GLIS3: variants seen among roughly 807,000 people sequenced by gnomAD.
The protein encoded by GLIS3 is GLIS family zinc finger 3, also known as zinc finger protein GLIS3.
A neutral mutation model predicts 78.6 loss-of-function variants in GLIS3; 53 were observed. The observed-to-expected ratio is 0.67, with a 90% CI of 0.54 to 0.85. The LOEUF (loss-of-function observed/expected upper bound fraction) is 0.85, where lower values mean the gene tolerates loss of function less well. GLIS3 is among the 40% of genes least tolerant of loss of function. The pLI is 0.00. For synonymous variants in GLIS3, 684 were observed against 509.9 expected (o/e 1.34, Z -4.60); for missense variants, 1,703 against 1,231.1 (o/e 1.38, Z -5.74).
At chr9:4,026,655 C>A (rs1359433975) in intron 4 of GLIS3, among the ~76,000 whole-genome samples, 1 of 152,118 alleles carries the variant, frequency 6.6e-6, no homozygotes, top group South Asian at 2.1e-4. Flanking sequence ...AAATAATATA[C>A]TTCTAAACCT....
At chr9:3,840,978 G>A (rs1588064621) in intron 9 of GLIS3, among the ~76,000 whole-genome samples, 1 of 152,260 alleles carries the variant, frequency 6.6e-6, no homozygotes, top group East Asian at 1.9e-4. Context: ...GAAGGAGGAG[G>A]TTCTGCTACT....
chr9:4,381,322 G>A, the GLIS3 span, among the ~76,000 whole-genome samples: 1 of 152,288 alleles, frequency 6.6e-6, no homozygotes, highest in African/African-American at 2.4e-5. Context: ...ATTATTGCTT[G>A]CAGTATTTTC....
chr9:3,958,154 T>C (rs1817277759), intron 4 of GLIS3, among the ~76,000 whole-genome samples: 1 of 152,202 alleles, frequency 6.6e-6, no homozygotes, highest in South Asian at 2.1e-4. Flanking sequence ...ATGTCTGCCA[T>C]ACACAACTAC....
chr9:4,424,002 T>G, the GLIS3 span, among the ~76,000 whole-genome samples: 2 of 152,312 alleles, frequency 1.3e-5, no homozygotes, highest in East Asian at 3.9e-4. Flanking sequence ...CACACTTAAC[T>G]TGAATGAGGT....
At chr9:3,844,092 G>T (rs1337737790) in intron 9 of GLIS3, among the ~76,000 whole-genome samples, 2 of 152,152 alleles carry the variant, frequency 1.3e-5, no homozygotes, top group East Asian at 3.8e-4. Flanking sequence ...AGGGAATTGG[G>T]ATTGTTTTGT....
In GLIS3 at chr9:4,030,376, A is replaced by G. The variant is rs1385377322; in HGVS notation, c.1710+87392T>C. Reference sequence around the variant, plus strand: ...CTTGTCAAATGGGTAGTTTGAAAATATTTTCTCCCATTCTGTGAGTTGTCT... The same window carrying G: ...CTTGTCAAATGGGTAGTTTGAAAATGTTTTCTCCCATTCTGTGAGTTGTCT... On this transcript the variant is annotated intron_variant, in intron 4 of 10. Coordinates refer to ENST00000381971, the MANE Select transcript of GLIS3 (RefSeq NM_001042413.2). 3.3e-5 allele frequency among the ~76,000 whole-genome samples: 5 copies of G among 152,000 alleles called. No individual in the cohort carries two copies. The East Asian group carries it at 9.6e-4, about 29-fold the overall frequency.
At chr9:4,256,614 C>A (rs1824965627) in intron 2 of GLIS3, among the ~76,000 whole-genome samples, 1 of 152,030 alleles carries the variant, frequency 6.6e-6, no homozygotes, top group African/African-American at 2.4e-5. Context: ...TAATTCTACT[C>A]CTAGATCATC....
chr9:4,166,265 G>T (rs951604039), intron 2 of GLIS3, among the ~76,000 whole-genome samples: 2 of 152,118 alleles, frequency 1.3e-5, no homozygotes, highest in African/African-American at 4.8e-5. Flanking sequence ...GATCTATAGG[G>T]TTGATGGTGA....
chr9:4,350,549 A>G (rs946851940), upstream of GLIS3, among the ~76,000 whole-genome samples: 3 of 152,164 alleles, frequency 2.0e-5, no homozygotes, highest in African/African-American at 7.2e-5. Context: ...AAATATTTTT[A>G]TTTTAAAGTC....
the GLIS3 span, among the ~76,000 whole-genome samples, chr9:4,446,943 A>T: frequency 6.6e-6 from 1 of 152,172 alleles, no homozygotes; most frequent in East Asian, 1.9e-4. Context: ...CAACAAACAC[A>T]TACACCAATT....
At chr9:3,926,915 G>A (rs1277099322) in intron 6 of GLIS3, among the ~76,000 whole-genome samples, 2 of 152,190 alleles carry the variant, frequency 1.3e-5, no homozygotes, top group Non-Finnish European at 2.9e-5. Context: ...GTGAGCCATT[G>A]GGCCTGGCCT....
the GLIS3 span, among the ~76,000 whole-genome samples, chr9:4,360,489 C>T: frequency 6.6e-6 from 1 of 152,170 alleles, no homozygotes; most frequent in African/African-American, 2.4e-5. Context: ...TCAATAACTG[C>T]TAACATACCT....
the GLIS3 span, among the ~76,000 whole-genome samples, chr9:4,464,809 T>C: frequency 1.3e-5 from 2 of 152,218 alleles, no homozygotes; most frequent in African/African-American, 4.8e-5. Context: ...AAAGGTTGTA[T>C]GCAGAATATT....
At chr9:3,864,282 A>G (rs1416541667) in intron 8 of GLIS3, among the ~76,000 whole-genome samples, 1 of 152,224 alleles carries the variant, frequency 6.6e-6, no homozygotes, top group Non-Finnish European at 1.5e-5. Context: ...CGTTCAATCT[A>G]CTTTACAATA....
At chr9:4,088,896 G>C (rs766886880) in intron 4 of GLIS3, among the ~76,000 whole-genome samples, 3 of 152,154 alleles carry the variant, frequency 2.0e-5, no homozygotes, top group Non-Finnish European at 4.4e-5. Context: ...CAGTCCAAAG[G>C]GCTTCACCCC....
chr9:3,968,137 T>C (rs756458690), intron 4 of GLIS3, among the ~76,000 whole-genome samples: 2 of 152,208 alleles, frequency 1.3e-5, no homozygotes, highest in Non-Finnish European at 2.9e-5. Context: ...GTTTTCAAAA[T>C]TGGATTTCAA....
At chr9:3,858,504 G>A (rs1312244414) in intron 8 of GLIS3, among the ~76,000 whole-genome samples, 1 of 152,048 alleles carries the variant, frequency 6.6e-6, no homozygotes, top group African/African-American at 2.4e-5. Flanking sequence ...AAATATCATG[G>A]CTTCAACTGA....
intron 2 of GLIS3, among the ~76,000 whole-genome samples, chr9:4,275,846 C>T (rs1027959652): frequency 6.6e-6 from 1 of 152,142 alleles, no homozygotes; most frequent in Non-Finnish European, 1.5e-5. Flanking sequence ...GCCTTGATGT[C>T]TTCATACCTA....
intron 2 of GLIS3, among the ~76,000 whole-genome samples, chr9:4,184,020 CA>C (rs1817559471): frequency 6.6e-6 from 1 of 151,902 alleles, no homozygotes; most frequent in Non-Finnish European, 1.5e-5. Flanking sequence ...CATAGGAAAT[CA>C]ATGAGGAACA....
Sources: allele counts gnomAD v4.1 joint callset (sites outside exome capture counted in the v4.1 genomes callset), GRCh38; gene constraint gnomAD v4.1.1; transcripts MANE v1.5; gene names NCBI Gene and HGNC (gene_info 2026-07-23, HGNC 2026-07-21).